The following SLC25A26 variants were observed in gnomAD, a reference collection of about 807,000 sequenced individuals.
The protein encoded by SLC25A26 is mitochondrial S-adenosylmethionine carrier protein.
In SLC25A26, 36 loss-of-function variants were observed where a neutral mutation model predicts 37.8. The observed-to-expected ratio is 0.95, with a 90% CI of 0.73 to 1.26. The LOEUF (loss-of-function observed/expected upper bound fraction) is 1.26, where lower values mean the gene tolerates loss of function less well. Among genes scored for constraint, SLC25A26 ranks in the 50% most tolerant of loss-of-function variants. The pLI, the probability that SLC25A26 is intolerant of heterozygous loss-of-function variation, is 0.00. For synonymous variants in SLC25A26, 129 were observed against 122.5 expected, an observed-to-expected ratio of 1.05 and a Z score of -0.35; for missense variants, 390 against 331.1, an observed-to-expected ratio of 1.18 and a Z score of -1.38.
chr3:66,242,892 C>T (rs1246234537), intron 2 of SLC25A26, among the ~76,000 whole-genome samples: 2 of 152,086 alleles, frequency 1.3e-5, no homozygotes, highest in Non-Finnish European at 2.9e-5. Flanking sequence ...AATTCATATC[C>T]TTTTCTAAAG....
At chr3:66,287,212 C>G (rs557098133) in intron 5 of SLC25A26, among the ~76,000 whole-genome samples, 240 of 151,500 alleles carry the variant, frequency 1.6e-3, no homozygotes, top group Non-Finnish European at 1.0e-3. Flanking sequence ...AGGAGAATAG[C>G]GTGAACCTGG....
In SLC25A26 at chr3:66,275,406, TA is replaced by T. The variant is rs200076219; in HGVS notation, c.453+12038del. ...CCTAAAACTTAAAGTATAATAATAG[TA>T]AAAAAAAAAATTAATTACTGCTGTC... On this transcript the variant is annotated intron_variant, in intron 5 of 9. Coordinates refer to ENST00000354883, the MANE Select transcript of SLC25A26 (RefSeq NM_001379210.1). Among the ~76,000 whole-genome samples, 540 of 147,596 alleles carry T rather than the reference TA, an allele frequency of 3.7e-3. 4 individuals are homozygous for T. The highest frequency in any genetic ancestry group is 0.011 in the African/African-American group (440 of 40,466).
intron 1 of SLC25A26, among the ~76,000 whole-genome samples, chr3:66,214,906 T>C (rs2071338266): frequency 6.6e-6 from 1 of 152,192 alleles, no homozygotes; most frequent in South Asian, 2.1e-4. Flanking sequence ...GGTGGGCGGA[T>C]GGCTTGAGGC....
chr3:66,264,279 CA>C (rs200767551), intron 5 of SLC25A26, among the ~76,000 whole-genome samples: 5 of 148,458 alleles, frequency 3.4e-5, no homozygotes, highest in African/African-American at 1.2e-4. Context: ...ACTCTGTCTC[CA>C]AAAAAAAAGA....
chr3:66,318,794 GAT>G (rs926197648), intron 5 of SLC25A26, among the ~76,000 whole-genome samples: 1 of 151,826 alleles, frequency 6.6e-6, no homozygotes, highest in African/African-American at 2.4e-5. Context: ...TGGGACCATA[GAT>G]ATGCACCACC....
chr3:66,208,870 G>GTGTGTATATATATATATA (rs1364331517), intron 1 of SLC25A26, among the ~76,000 whole-genome samples: 1 of 55,888 alleles, frequency 1.8e-5, no homozygotes, highest in African/African-American at 4.5e-5. Context: ...ATGGGTGTGT[G>GTGTGTATATATATATATA]TATATATATA....
At chr3:66,151,574 C>G (rs1247761292) in intron 1 of SLC25A26, among the ~76,000 whole-genome samples, 1 of 152,228 alleles carries the variant, frequency 6.6e-6, no homozygotes, top group Non-Finnish European at 1.5e-5. Context: ...CCATGCCCAA[C>G]TCTCTGCACC....
At chr3:66,274,146 G>A (rs1451108177) in intron 5 of SLC25A26, among the ~76,000 whole-genome samples, 1 of 151,084 alleles carries the variant, frequency 6.6e-6, no homozygotes, top group African/African-American at 2.4e-5. Context: ...ACAAGCAATG[G>A]GGAAAGGATT....
At chr3:66,290,036 C>G (rs1433013270) in intron 5 of SLC25A26, among the ~76,000 whole-genome samples, 1 of 152,122 alleles carries the variant, frequency 6.6e-6, no homozygotes, top group Non-Finnish European at 1.5e-5. Flanking sequence ...TCCTTCACAT[C>G]TGTTGTAAGT....
At chr3:66,177,535 A>T (rs1559562114) in intron 1 of SLC25A26, among the ~76,000 whole-genome samples, 1 of 151,974 alleles carries the variant, frequency 6.6e-6, no homozygotes, top group African/African-American at 2.4e-5. Context: ...TTCCCCCTCC[A>T]CCTCACATTA....
At chr3:66,171,548 G>T (rs2070500046) in intron 1 of SLC25A26, among the ~76,000 whole-genome samples, 1 of 151,906 alleles carries the variant, frequency 6.6e-6, no homozygotes, top group African/African-American at 2.4e-5. Flanking sequence ...GTGGTGCAGT[G>T]GTGCAATCTT....
Position 66,362,925 on chromosome 3 carries a change from T to A in SLC25A26, c.564T>A (p.Phe188Leu). 6.2e-7 allele frequency: 1 copy of A among 1,602,792 alleles called. No homozygotes were observed. The highest frequency in any genetic ancestry group is 8.5e-7 in the Non-Finnish European group (1 of 1,173,620). ...GGCAGTCAGCAGTCTGTGGAGCTTT[T>A]GCAGGTGCAAAGGATTATATTATAC... ...DSWQSAVCGA[F>L]AGGFAAAVTT... Residue 188 changes from phenylalanine (F) to leucine (L), a missense_variant, in exon 7 of 10, where the codon TTT (phenylalanine) becomes TTA (leucine). Phe to Leu is a conservative substitution (Grantham distance 22). Transcript: ENST00000354883.
At chr3:66,303,417 A>G (rs1410383642) in intron 5 of SLC25A26, among the ~76,000 whole-genome samples, 2 of 152,186 alleles carry the variant, frequency 1.3e-5, no homozygotes, top group Non-Finnish European at 2.9e-5. Flanking sequence ...TGGGGAGGCT[A>G]GCTCCCTCTC....
intron 1 of SLC25A26, among the ~76,000 whole-genome samples, chr3:66,232,367 T>C (rs1049149009): frequency 6.6e-6 from 1 of 152,238 alleles, no homozygotes; most frequent in Admixed American, 6.5e-5. Context: ...AAAAATTCAG[T>C]GTACCTTTTT....
In SLC25A26 at chr3:66,378,350, G is replaced by C. The variant is rs1032930610; in HGVS notation, c.*543G>C. ...AGCACTCTTTCTGGGTAACTAGGCT[G>C]CTGGTTTTAATTACCCTCAGATTTC... On this transcript the variant is annotated 3_prime_UTR_variant, in exon 10 of 10. Transcript: ENST00000354883. 1 of 152,758 alleles carries C rather than the reference G, an allele frequency of 6.5e-6. No homozygotes were observed. The allele number at this position is 152,758 out of a possible 1,614,324, so 9.5% of individuals were successfully genotyped here.
intron 1 of SLC25A26, among the ~76,000 whole-genome samples, chr3:66,158,164 T>C (rs1052475290): frequency 6.6e-6 from 1 of 152,220 alleles, no homozygotes; most frequent in African/African-American, 2.4e-5. Flanking sequence ...TGGGAAGTAT[T>C]TGAGAGTACG....
Position 66,226,734 on chromosome 3 carries a change from T to C in SLC25A26, c.33+5607T>C, listed in dbSNP as rs577245809. On this transcript the variant is annotated intron_variant, in intron 1 of 9. Coordinates refer to ENST00000354883, the MANE Select transcript of SLC25A26 (RefSeq NM_001379210.1). ...TGACTCAGCTTCAAAGTGCTGAGAT[T>C]ACAGGCATGAGCCACTGAGCCCAGC... Among the ~76,000 whole-genome samples the C allele has an allele frequency of 2.9e-4, 44 of 152,334 alleles. 1 individual carries two copies. The highest frequency in any genetic ancestry group is 4.6e-4 in the Admixed American group (7 of 15,298).
chr3:66,244,569 G>T (rs1041822509), intron 3 of SLC25A26, among the ~76,000 whole-genome samples: 3 of 152,194 alleles, frequency 2.0e-5, no homozygotes, highest in African/African-American at 7.2e-5. Context: ...CAGTTTTAGT[G>T]AATACTGCAG....
chr3:66,192,381 T>C (rs1404790813), intron 1 of SLC25A26, among the ~76,000 whole-genome samples: 4 of 150,124 alleles, frequency 2.7e-5, no homozygotes, highest in African/African-American at 9.8e-5. Context: ...CCCTCCAGCA[T>C]GCGAGGGTAT....
Sources: gnomAD v4.1 joint callset for allele counts (sites outside exome capture counted in the v4.1 genomes callset) on GRCh38, gnomAD v4.1.1 for gene constraint, MANE v1.5 for transcripts, NCBI Gene and HGNC (gene_info 2026-07-23, HGNC 2026-07-21) for gene names.